MAGI2: variants seen among roughly 807,000 people sequenced by gnomAD.
The protein encoded by MAGI2 is membrane associated guanylate kinase, WW and PDZ domain containing 2, also known as membrane-associated guanylate kinase, WW and PDZ domain-containing protein 2.
A neutral mutation model predicts 133.3 loss-of-function variants in MAGI2; 35 were observed. The ratio of observed to expected loss-of-function variants is 0.26; its 90% CI spans 0.20 to 0.35. MAGI2 has a LOEUF of 0.35. Ranked by LOEUF, MAGI2 falls within the 10% of genes least tolerant of loss-of-function variation. The pLI, the probability that MAGI2 is intolerant of heterozygous loss-of-function variation, is 1.00. For missense variants in MAGI2, 1,636 were observed against 1,863.4 expected (o/e 0.88, Z 2.25); for synonymous variants, 729 against 710.6 (o/e 1.03, Z -0.41).
intron 2 of MAGI2, among the ~76,000 whole-genome samples, chr7:78,752,511 G>A (rs1033154659): frequency 6.6e-6 from 1 of 152,184 alleles, no homozygotes; most frequent in Non-Finnish European, 1.5e-5. Context: ...GCTGAGGCAG[G>A]AGAACTGCTT....
At chr7:78,432,116 T>C (rs1427299266) in intron 6 of MAGI2, among the ~76,000 whole-genome samples, 2 of 151,838 alleles carry the variant, frequency 1.3e-5, no homozygotes, top group Non-Finnish European at 2.9e-5. Context: ...GTTTAAATAT[T>C]AAATTATTAA....
At chr7:78,593,900 C>T (rs7777792) in intron 3 of MAGI2, among the ~76,000 whole-genome samples, 110,218 of 152,062 alleles carry the variant, frequency 0.72, 40,370 homozygotes, top group Middle Eastern at 0.78. Context: ...GTGTTAAAAC[C>T]GTGGTTCTGA....
chr7:78,704,408 T>TA (rs1818391634), intron 2 of MAGI2, among the ~76,000 whole-genome samples: 2 of 151,916 alleles, frequency 1.3e-5, no homozygotes, highest in Admixed American at 1.3e-4. Context: ...TATAAAGCAG[T>TA]AAAAAAATAA....
At chr7:78,047,927 T>C (rs1323622824) in intron 21 of MAGI2, among the ~76,000 whole-genome samples, 1 of 152,222 alleles carries the variant, frequency 6.6e-6, no homozygotes, top group African/African-American at 2.4e-5. Flanking sequence ...GCCGCCATAT[T>C]CTTGCAGTCC....
At chr7:78,074,999 C>T (rs1476589358) in intron 21 of MAGI2, among the ~76,000 whole-genome samples, 3 of 152,214 alleles carry the variant, frequency 2.0e-5, no homozygotes, top group African/African-American at 7.2e-5. Flanking sequence ...TAAATCATCC[C>T]CTAAGCTAAT....
At chr7:79,344,837 G>A (rs1841189289) in intron 1 of MAGI2, among the ~76,000 whole-genome samples, 1 of 152,040 alleles carries the variant, frequency 6.6e-6, no homozygotes, top group Non-Finnish European at 1.5e-5. Flanking sequence ...GAGAATTGGG[G>A]TTAGGGTAAG....
chr7:78,953,338 G>C (rs1368115961), intron 2 of MAGI2, among the ~76,000 whole-genome samples: 1 of 152,102 alleles, frequency 6.6e-6, no homozygotes, highest in Non-Finnish European at 1.5e-5. Flanking sequence ...TTCCTTGTTT[G>C]ACTTCCTCCC....
intron 10 of MAGI2, 160 bp downstream of exon 10, chr7:78,255,783 A>G: frequency 1.3e-6 from 1 of 748,258 alleles, no homozygotes; most frequent in African/African-American, 1.8e-5. Context: ...TTCAAAAACA[A>G]AGTTTCCTTT....
intron 1 of MAGI2, among the ~76,000 whole-genome samples, chr7:79,423,799 A>G (rs964859233): frequency 2.6e-5 from 4 of 151,988 alleles, no homozygotes; most frequent in African/African-American, 9.7e-5. Context: ...AAATATCCTT[A>G]TGGTTTATGC....
intron 2 of MAGI2, among the ~76,000 whole-genome samples, chr7:78,789,499 G>A (rs909146963): frequency 1.3e-5 from 2 of 151,910 alleles, no homozygotes; most frequent in Admixed American, 1.3e-4. Context: ...TAGGACTAAA[G>A]AGTAATTCTT....
chr7:78,331,057 G>T (rs1225189357), intron 9 of MAGI2, among the ~76,000 whole-genome samples: 1 of 152,204 alleles, frequency 6.6e-6, no homozygotes, highest in African/African-American at 2.4e-5. Flanking sequence ...CATGTCCTTT[G>T]CAGCAACATG....
At chr7:79,313,878 C>T (rs932774619) in intron 1 of MAGI2, among the ~76,000 whole-genome samples, 1 of 151,006 alleles carries the variant, frequency 6.6e-6, no homozygotes, top group Non-Finnish European at 1.5e-5. Context: ...TCTCAGTTAA[C>T]TGCAATCTCC....
At chr7:78,413,928 T>TCCA (rs1429257517) in intron 6 of MAGI2, among the ~76,000 whole-genome samples, 2 of 152,116 alleles carry the variant, frequency 1.3e-5, no homozygotes, top group African/African-American at 4.8e-5. Flanking sequence ...CCATGTTGTA[T>TCCA]TTAGACATAA....
At position 79,439,442 on chromosome 7, in the gene MAGI2, C is replaced by T. The variant is rs1585986964; in HGVS notation, c.301+13578G>A. Among the ~76,000 whole-genome samples the T allele has an allele frequency of 3.9e-5, 6 of 152,128 alleles. No individual in the cohort carries two copies. The South Asian group carries it at 1.2e-3, about 32-fold the overall frequency. ...CAAATCCAATTAAGTCTTCAGACTC[C>T]AAGATCCACACTCTCTATATTATAC... is the stretch of plus-strand genomic sequence containing the variant. On this transcript the variant is annotated intron_variant, in intron 1 of 21. Transcript: ENST00000354212.
In MAGI2 at chr7:78,084,977, C is replaced by T. The variant is rs146603416; in HGVS notation, c.3568-5892G>A. 5.0e-3 allele frequency among the ~76,000 whole-genome samples: 764 copies of T among 152,228 alleles called. 5 individuals carry two copies. The highest frequency in any genetic ancestry group is 6.8e-3 in the Non-Finnish European group (461 of 68,020). Reference sequence around the variant, plus strand: ...CCTTCCCATTTCTTTCATTAGATCGCGATTGAATTAGATGGGTTCCAAGTG... The same window carrying T: ...CCTTCCCATTTCTTTCATTAGATCGTGATTGAATTAGATGGGTTCCAAGTG... On this transcript the variant is annotated intron_variant, in intron 20 of 21. Transcript: ENST00000354212.
chr7:79,146,285 T>C (rs1398860456), intron 1 of MAGI2, among the ~76,000 whole-genome samples: 1 of 152,234 alleles, frequency 6.6e-6, no homozygotes, highest in East Asian at 1.9e-4. Flanking sequence ...CCACACCTTT[T>C]TGTGCTTTGT....
Position 79,160,142 on chromosome 7 carries a change from C to T in MAGI2, c.302-152936G>A, listed in dbSNP as rs114796427. ...CCCTCTGGTTCCCCATCCCCCACCA[C>T]TGGAAATTTATGTTACTGAAAAGTT... On this transcript the variant is annotated intron_variant, in intron 1 of 21. Transcript: ENST00000354212. 8.5e-3 allele frequency among the ~76,000 whole-genome samples: 1,289 copies of T among 152,134 alleles called. 20 individuals carry two copies. The highest frequency in any genetic ancestry group is 0.029 in the African/African-American group (1,222 of 41,544).
chr7:79,191,922 C>T (rs1827709382), intron 1 of MAGI2, among the ~76,000 whole-genome samples: 1 of 151,702 alleles, frequency 6.6e-6, no homozygotes, highest in Non-Finnish European at 1.5e-5. Flanking sequence ...TTGAATGGAA[C>T]TCTTTGGGAA....
chr7:79,123,785 CAAAAAAAA>C (rs71095377), intron 1 of MAGI2, among the ~76,000 whole-genome samples: 9 of 60,764 alleles, frequency 1.5e-4, no homozygotes, highest in Non-Finnish European at 2.5e-4. Context: ...GACTCCATCT[CAAAAAAAA>C]AAAAAAAAAA....
Sources: allele counts gnomAD v4.1 joint callset (sites outside exome capture counted in the v4.1 genomes callset), GRCh38; gene constraint gnomAD v4.1.1; transcripts MANE v1.5; gene names NCBI Gene and HGNC (gene_info 2026-07-23, HGNC 2026-07-21).